PROM2: variants seen among roughly 807,000 people sequenced by gnomAD.
PROM2 encodes prominin-2.
PROM2 carries 90 observed loss-of-function variants against 110.2 expected under a neutral mutation model. That is an observed-to-expected ratio of 0.82 (90% CI 0.69 to 0.97). The LOEUF is 0.97. Among genes scored for constraint, PROM2 ranks in the 50% least tolerant of loss-of-function variants. The pLI is 0.00. For synonymous variants in PROM2, 470 were observed against 467.8 expected, an observed-to-expected ratio of 1.00 and a Z score of -0.06; for missense variants, 1,009 against 1,074.8, an observed-to-expected ratio of 0.94 and a Z score of 0.86.
chr2:95,282,681 A>G (rs1481812946), intron 14 of PROM2, among the ~76,000 whole-genome samples: 1 of 152,158 alleles, frequency 6.6e-6, no homozygotes, highest in African/African-American at 2.4e-5. Context: ...CCAGCCTGAC[A>G]AGCCTCTTCC....
intron 8 of PROM2, 175 bp from the exon 9 acceptor site, chr2:95,278,546 G>A (rs543137489): frequency 7.1e-6 from 5 of 708,024 alleles, no homozygotes; most frequent in African/African-American, 7.1e-5. Flanking sequence ...GCAACGTTTT[G>A]GGAAGTTGAG....
At chr2:95,279,267 G>T in intron 10 of PROM2, 123 bp downstream of exon 10, 1 of 715,312 alleles carries the variant, frequency 1.4e-6, no homozygotes, top group Non-Finnish European at 2.1e-6. Context: ...GAGCCTCTGT[G>T]TTTTTTGTTT....
chr2:95,275,913 C>T lies in PROM2; in HGVS notation c.295-17C>T. The T allele has an allele frequency of 2.5e-6, 4 of 1,601,530 alleles. No individual in the cohort carries two copies. Among genetic ancestry groups the T allele is most frequent in the South Asian group, 2.2e-5 (2 of 89,124 alleles). On this transcript the variant is annotated splice_polypyrimidine_tract_variant and intron_variant, in intron 2 of 23. Coordinates refer to ENST00000317620, the MANE Select transcript of PROM2 (RefSeq NM_001165978.3). This position sits in a 1 kb window ranked among gnomAD's most constrained non-coding sequence, Gnocchi z 4.4. ...AGTGGGGGTCGGGTCACCCCTCATG[C>T]CCTGCTGCCTGCCCAGGTGGTGCGG...
At chr2:95,284,346 C>T (rs1677217553) in intron 14 of PROM2, among the ~76,000 whole-genome samples, 1 of 151,948 alleles carries the variant, frequency 6.6e-6, no homozygotes, top group African/African-American at 2.4e-5. Flanking sequence ...TTTTTAAAAG[C>T]CAGGTGTGGT....
intron 14 of PROM2, 36 bp downstream of exon 14, chr2:95,282,262 C>T: frequency 1.3e-6 from 2 of 1,527,142 alleles, no homozygotes; most frequent in East Asian, 2.3e-5. Context: ...AGGAGCCCTC[C>T]TCAGATCCCC....
At position 95,285,700 on chromosome 2, in the gene PROM2, C is replaced by A. The variant is rs1357192995; in HGVS notation, c.1937C>A (p.Ala646Asp). The change falls in exon 16 of 24, where the codon GCC (alanine) becomes GAC (aspartate). Residue 646 changes from alanine to aspartate, a missense_variant. Transcript: ENST00000317620. Reference protein sequence around the residue: ...EQLAQELQGLAQAQDNSVLGQ... With the variant: ...EQLAQELQGLDQAQDNSVLGQ... ...CTGGCCCAGGAGCTGCAAGGACTGG[C>A]CCAGGCCCAAGTGAGTGGGAAACAG... 1 of 1,600,270 alleles carries A rather than the reference C, an allele frequency of 6.2e-7. No homozygotes were observed.
In PROM2 at chr2:95,289,783, C is replaced by G. The variant is rs1347662331; in HGVS notation, c.*570C>G. On this transcript the variant is annotated 3_prime_UTR_variant, in exon 24 of 24. Transcript: ENST00000317620. ...TTGCTGGCCCCAGAGACCACCCTGC[C>G]CAACCAAACCACTCAGGTAACGCCA... The G allele has an allele frequency of 1.3e-5, 2 of 152,656 alleles. No homozygotes were observed. The highest frequency in any genetic ancestry group is 2.9e-5 in the Non-Finnish European group (2 of 68,394). The allele number at this position is 152,656 out of a possible 1,614,324, so 9.5% of individuals were successfully genotyped here.
chr2:95,278,454 C>CACACAACCT, intron 8 of PROM2: 1 of 579,436 alleles, frequency 1.7e-6, no homozygotes, highest in Admixed American at 3.0e-5. Context: ...GGAGCTAGAC[C>CACACAACCT]TGGCAGTTGT....
chr2:95,287,524 C>A, intron 20 of PROM2, 60 bp downstream of exon 20: 1 of 1,557,610 alleles, frequency 6.4e-7, no homozygotes, highest in Non-Finnish European at 8.8e-7. Context: ...GCTGTTCACC[C>A]TGCTCTGCCC....
chr2:95,287,198 C>A lies in PROM2; in HGVS notation c.2160C>A (p.Ala720=). Residue 720 remains alanine (A), a synonymous_variant, in exon 19 of 24, where the codon GCC becomes GCA. Transcript: ENST00000317620. ...AAGGAGAGCTGCCTGCCTGGGCAGC[C>A]AGGATCCTGAGGAATGTGAGTGGTG... is the stretch of plus-strand genomic sequence containing the variant. ...YLKGELPAWA[A]RILRNVSECF... is the part of the protein sequence containing the mutation. 1.9e-6 allele frequency: 3 copies of A among 1,613,810 alleles called. No homozygotes were observed. The highest frequency in any genetic ancestry group is 1.3e-5 in the African/African-American group (1 of 75,022).
chr2:95,276,835 C>T lies in PROM2; in HGVS notation c.683-137C>T. The T allele has an allele frequency of 9.1e-7, 1 of 1,097,658 alleles. No homozygotes were observed. The highest frequency in any genetic ancestry group is 1.3e-6 in the Non-Finnish European group (1 of 750,684). 68.0% of individuals were successfully genotyped at this position (1,097,658 alleles called of 1,614,324 possible). On this transcript the variant is annotated intron_variant, in intron 5 of 23. Coordinates refer to ENST00000317620, the MANE Select transcript of PROM2 (RefSeq NM_001165978.3). The surrounding 1 kb of genome is among the most constrained non-coding windows in gnomAD (Gnocchi z 4.6). ...GCCACTCAGCTGCTGGAGGAAGAAG[C>T]CGTGTCCCCGCTCCTTCACTCCCCT...
chr2:95,287,430 A>T lies in PROM2; in HGVS notation c.2210A>T (p.Tyr737Phe). ...TGTTTCCTGGCCCGGGAGATGGGCT[A>T]CTTCTCCCAGTACGTGGCCTGGGTG... ...SECFLAREMGYFSQYVAWVRE... is the reference protein window; with the variant it reads ...SECFLAREMGFFSQYVAWVRE... Residue 737 changes from tyrosine to phenylalanine, a missense_variant, in exon 20 of 24, where the codon TAC becomes TTC. By Grantham distance (22) the Tyr-to-Phe change is conservative. Coordinates refer to ENST00000317620, the MANE Select transcript of PROM2 (RefSeq NM_001165978.3). 3 of 1,613,978 alleles carry T rather than the reference A, an allele frequency of 1.9e-6. No individual in the cohort carries two copies. The highest frequency in any genetic ancestry group is 2.5e-6 in the Non-Finnish European group (3 of 1,179,988).
intron 11 of PROM2, among the ~76,000 whole-genome samples, chr2:95,280,630 TTTTG>T (rs1198030610): frequency 3.3e-5 from 5 of 151,764 alleles, no homozygotes; most frequent in South Asian, 2.1e-4. Context: ...GCTCTTTGGG[TTTTG>T]TTTGTTTTTT....
intron 10 of PROM2, 32 bp from the exon 11 acceptor site, chr2:95,279,809 CCTTT>C: frequency 1.4e-6 from 2 of 1,385,170 alleles, no homozygotes; most frequent in Non-Finnish European, 1.9e-6. Context: ...CCAGCCACCT[CCTTT>C]CTTAGTGACA....
chr2:95,276,302 T>G lies in PROM2; in HGVS notation c.573T>G (p.Pro191=), dbSNP rs1404219287. The change falls in exon 4 of 24, where the codon CCT becomes CCG. Residue 191 remains proline, a synonymous_variant. Transcript: ENST00000317620. This position sits in a 1 kb window ranked among gnomAD's most constrained non-coding sequence, Gnocchi z 4.6. ...TGGGCCCCAGCATCGAGGCCATGCC[T>G]GAGACCCTGCTCAGCCTCTGGGGCC... ...EQMGPSIEAM[P]ETLLSLWGLV... is the part of the protein sequence containing the mutation. 2 of 1,613,828 alleles carry G rather than the reference T, an allele frequency of 1.2e-6. No homozygotes were observed. Among genetic ancestry groups the G allele is most frequent in the South Asian group, 1.1e-5 (1 of 91,086 alleles).
Position 95,279,961 on chromosome 2 carries a change from A to G in PROM2, c.1391A>G (p.Glu464Gly), listed in dbSNP as rs1355479149. The G allele has an allele frequency of 1.3e-6, 2 of 1,502,774 alleles. No individual in the cohort carries two copies. Among genetic ancestry groups the G allele is most frequent in the South Asian group, 1.3e-5 (1 of 75,408 alleles). 93.1% of individuals were successfully genotyped at this position (1,502,774 alleles called of 1,614,324 possible). ...LSARDDPSHP[E>G]AKGEAGARFL... The stretch of plus-strand genomic sequence containing the variant: ...GCCAGGGACGACCCCAGCCACCCAG[A>G]AGCCAAGGGCGAGGCTGGAGCCCGC... Residue 464 changes from glutamate to glycine, a missense_variant, in exon 11 of 24, where the codon GAA (glutamate) becomes GGA (glycine). Glu to Gly is a moderately conservative substitution (Grantham distance 98, BLOSUM62 -2). Transcript: ENST00000317620.
chr2:95,274,634 G>C lies in PROM2; in HGVS notation c.49G>C (p.Gly17Arg). 1 of 1,607,648 alleles carries C rather than the reference G, an allele frequency of 6.2e-7. No homozygotes were observed. Among genetic ancestry groups the C allele is most frequent in the Non-Finnish European group, 8.5e-7 (1 of 1,175,744 alleles). The change falls in exon 1 of 24, where the codon GGG becomes CGG. Residue 17 changes from glycine to arginine, a missense_variant. Physicochemically the swap from Gly to Arg is moderately radical, Grantham distance 125. Transcript: ENST00000317620. ...GGCTCCCCTGCTGGGCCTGGGCCTG[G>C]GGCTGGCCCTGAGTCAGCTGGCTGC... is the stretch of plus-strand genomic sequence containing the variant. ...LLAPLLGLGL[G>R]LALSQLAAGA...
chr2:95,274,912 G>A (rs1306389955), intron 1 of PROM2, 83 bp downstream of exon 1: 3 of 1,437,050 alleles, frequency 2.1e-6, no homozygotes, highest in Non-Finnish European at 2.7e-6. Flanking sequence ...CATGGGATGT[G>A]CCCAACCTAC....
Position 95,274,480 on chromosome 2 carries a change from G to A in PROM2, c.-106G>A. The A allele has an allele frequency of 7.1e-7, 1 of 1,409,554 alleles. No individual in the cohort carries two copies. Among genetic ancestry groups the A allele is most frequent in the Non-Finnish European group, 9.4e-7 (1 of 1,068,110 alleles). 87.3% of individuals were successfully genotyped at this position (1,409,554 alleles called of 1,614,324 possible). A position where few individuals can be genotyped will look rare whatever the true frequency, so the allele number is the denominator to read the frequency against. On this transcript the variant is annotated 5_prime_UTR_variant, in exon 1 of 24. Coordinates refer to ENST00000317620, the MANE Select transcript of PROM2 (RefSeq NM_001165978.3). ...TCAGGAACCCAAACCTGTCGGGCAG[G>A]TTTTGAGAGCTGTGGAGAGAGGGAC...
Sources: gnomAD v4.1 joint callset for allele counts (sites outside exome capture counted in the v4.1 genomes callset) on GRCh38, gnomAD v4.1.1 for gene constraint, Gnocchi (gnomAD v3.1) non-coding constraint, MANE v1.5 for transcripts, NCBI Gene and HGNC (gene_info 2026-07-23, HGNC 2026-07-21) for gene names.